ARMH4: variants seen among roughly 807,000 people sequenced by gnomAD.
ARMH4 encodes the protein armadillo-like helical domain-containing protein 4.
In ARMH4, 49 loss-of-function variants were observed where a neutral mutation model predicts 61.9. The ratio of observed to expected loss-of-function variants is 0.79; its 90% CI spans 0.63 to 1.00. The LOEUF (loss-of-function observed/expected upper bound fraction) is 1.00. Among genes scored for constraint, ARMH4 ranks in the 50% least tolerant of loss-of-function variants. ARMH4 has a pLI of 0.00. For synonymous variants in ARMH4, 368 were observed against 341.5 expected, an observed-to-expected ratio of 1.08 and a Z score of -0.85; for missense variants, 934 against 930.0, an observed-to-expected ratio of 1.00 and a Z score of -0.06.
chr14:58,107,695 C>T (rs1319185208), intron 4 of ARMH4, among the ~76,000 whole-genome samples: 6 of 142,408 alleles, frequency 4.2e-5, no homozygotes, highest in South Asian at 2.2e-4. Flanking sequence ...ACCCAGTAGG[C>T]GGAGGTTGCA....
At position 58,001,653 on chromosome 14, in the gene ARMH4, T is replaced by C. The variant is rs1274030865; in HGVS notation, c.*3083A>G. On this transcript the variant is annotated 3_prime_UTR_variant, in exon 8 of 8. Coordinates refer to ENST00000267485, the MANE Select transcript of ARMH4 (RefSeq NM_001001872.4). ...ACTTTAAATGACCTTGTCTCTATCATAAGGAAGTGGTTCTCTAGATAGATC... is the reference window on the plus strand; with the variant it reads ...ACTTTAAATGACCTTGTCTCTATCACAAGGAAGTGGTTCTCTAGATAGATC... The C allele has an allele frequency of 6.6e-6, 1 of 152,198 alleles. No individual in the cohort carries two copies. The highest frequency in any genetic ancestry group is 1.5e-5 in the Non-Finnish European group (1 of 68,022). 9.4% of individuals were successfully genotyped at this position (152,198 alleles called of 1,614,324 possible). A position where few individuals can be genotyped will look rare whatever the true frequency, so the allele number is the denominator to read the frequency against.
At chr14:58,033,805 A>T (rs1185558512) in intron 5 of ARMH4, among the ~76,000 whole-genome samples, 1 of 31,556 alleles carries the variant, frequency 3.2e-5, no homozygotes, top group Non-Finnish European at 6.9e-5. Context: ...GGGTATCAGC[A>T]ATGGAAGATG....
intron 5 of ARMH4, among the ~76,000 whole-genome samples, chr14:58,067,813 G>A (rs1035572370): frequency 6.6e-6 from 1 of 152,174 alleles, no homozygotes; most frequent in Non-Finnish European, 1.5e-5. Context: ...TTGCTTTTAG[G>A]AGGTGATAAG....
intron 3 of ARMH4, among the ~76,000 whole-genome samples, chr14:58,132,580 C>CTTT (rs1887146930): frequency 2.3e-5 from 2 of 87,550 alleles, no homozygotes; most frequent in Admixed American, 2.2e-4. Context: ...AACCCTTGTC[C>CTTT]CTTTTTTTTT....
intron 5 of ARMH4, among the ~76,000 whole-genome samples, chr14:58,091,633 T>C (rs1885567163): frequency 6.6e-6 from 1 of 152,216 alleles, no homozygotes; most frequent in African/African-American, 2.4e-5. Context: ...GTCATACTGA[T>C]TTTTACACTT....
chr14:58,099,818 T>C (rs1400544470), intron 4 of ARMH4, among the ~76,000 whole-genome samples: 1 of 152,202 alleles, frequency 6.6e-6, no homozygotes, highest in Admixed American at 6.5e-5. Context: ...ATACAGTGGC[T>C]GCATGCATAG....
intron 5 of ARMH4, among the ~76,000 whole-genome samples, chr14:58,052,486 G>A (rs993067508): frequency 2.6e-5 from 4 of 151,946 alleles, no homozygotes; most frequent in African/African-American, 7.3e-5. Context: ...CGAGCTGTCC[G>A]TTTGTGTTGG....
intron 3 of ARMH4, among the ~76,000 whole-genome samples, 179 bp downstream of exon 3, chr14:58,132,911 A>C (rs566246351): frequency 1.3e-5 from 2 of 152,200 alleles, no homozygotes; most frequent in Non-Finnish European, 2.9e-5. Flanking sequence ...AGGCTCTGCC[A>C]CACCTCTTCA....
At chr14:58,071,831 T>C (rs1396417011) in intron 5 of ARMH4, among the ~76,000 whole-genome samples, 2 of 152,228 alleles carry the variant, frequency 1.3e-5, no homozygotes, top group Non-Finnish European at 2.9e-5. Context: ...AGGATATTCT[T>C]TATGCATTTC....
chr14:58,089,420 T>A (rs1487159509), intron 5 of ARMH4, among the ~76,000 whole-genome samples: 1 of 152,176 alleles, frequency 6.6e-6, no homozygotes, highest in Admixed American at 6.5e-5. Flanking sequence ...GCTGACATAT[T>A]TTAGGGCTAA....
At position 58,088,824 on chromosome 14, in the gene ARMH4, A is replaced by C. The variant is rs118080305; in HGVS notation, c.2089+7900T>G. Among the ~76,000 whole-genome samples the C allele has an allele frequency of 4.2e-4, 64 of 152,336 alleles. 1 individual carries two copies. The East Asian group carries it at 0.012, about 29-fold the overall frequency. On this transcript the variant is annotated intron_variant, in intron 5 of 7. Transcript: ENST00000267485. ...TAAGACACATTAATCCAACACATGA[A>C]AGATCATTAAAAGTAATGTACATTT...
chr14:58,065,277 T>C (rs148052921), intron 5 of ARMH4, among the ~76,000 whole-genome samples: 5 of 152,298 alleles, frequency 3.3e-5, no homozygotes, highest in African/African-American at 9.6e-5. Flanking sequence ...TATCTGCATG[T>C]GTTGCCTATG....
chr14:58,149,881 G>C (rs1014653112), intron 1 of ARMH4, among the ~76,000 whole-genome samples: 1 of 152,220 alleles, frequency 6.6e-6, no homozygotes, highest in Admixed American at 6.5e-5. Context: ...GCATGCTACT[G>C]ACATGCATTC....
chr14:58,125,340 C>T lies in ARMH4; in HGVS notation c.1831+6172G>A, dbSNP rs548026544. ...GAAGAAGGAAAAATACTTTTGCCTG[C>T]AGCTAACCAATAGAAATTACTTAAA... On this transcript the variant is annotated intron_variant, in intron 4 of 7. Transcript: ENST00000267485. Among the ~76,000 whole-genome samples, 3 of 152,242 alleles carry T rather than the reference C, an allele frequency of 2.0e-5. No individual in the cohort carries two copies. In the South Asian group the frequency reaches 6.2e-4, roughly 32 times the overall value.
intron 5 of ARMH4, among the ~76,000 whole-genome samples, chr14:58,030,661 G>A (rs1883196639): frequency 6.6e-6 from 1 of 152,224 alleles, no homozygotes; most frequent in South Asian, 2.1e-4. Flanking sequence ...TCAGCATTCT[G>A]TCTCTATGAA....
chr14:58,039,271 C>T (rs565601935), intron 5 of ARMH4, among the ~76,000 whole-genome samples: 1 of 152,316 alleles, frequency 6.6e-6, no homozygotes, highest in African/African-American at 2.4e-5. Flanking sequence ...TACTCCTATT[C>T]CCTTCTCTTT....
intron 5 of ARMH4, among the ~76,000 whole-genome samples, chr14:58,092,207 G>T (rs752065170): frequency 4.6e-5 from 7 of 152,126 alleles, no homozygotes; most frequent in Admixed American, 6.5e-5. Context: ...AAAAATGGAG[G>T]TGATAACCTA....
chr14:58,061,619 G>A (rs1884533040), intron 5 of ARMH4, among the ~76,000 whole-genome samples: 1 of 152,226 alleles, frequency 6.6e-6, no homozygotes, highest in Non-Finnish European at 1.5e-5. Flanking sequence ...ACCACTGAAT[G>A]TAAAGGCTAG....
intron 5 of ARMH4, among the ~76,000 whole-genome samples, chr14:58,077,007 C>A (rs906625052): frequency 6.6e-6 from 1 of 152,310 alleles, no homozygotes; most frequent in African/African-American, 2.4e-5. Context: ...CATAATCTTG[C>A]TTAGCTTGGC....
Sources: allele counts gnomAD v4.1 joint callset (sites outside exome capture counted in the v4.1 genomes callset), GRCh38; gene constraint gnomAD v4.1.1; transcripts MANE v1.5; gene names NCBI Gene and HGNC (gene_info 2026-07-23, HGNC 2026-07-21).